The following KAZN variants were observed in gnomAD, a reference collection of about 807,000 sequenced individuals.
The protein encoded by KAZN is kazrin, periplakin interacting protein.
A neutral mutation model predicts 87.4 loss-of-function variants in KAZN; 40 were observed. That is an observed-to-expected ratio of 0.46 (90% CI 0.36 to 0.60). The LOEUF (loss-of-function observed/expected upper bound fraction) is 0.60, where lower values mean the gene tolerates loss of function less well. KAZN is among the 20% of genes least tolerant of loss of function. KAZN has a pLI of 0.00. For synonymous variants in KAZN, 466 were observed against 458.3 expected, an observed-to-expected ratio of 1.02 and a Z score of -0.22; for missense variants, 898 against 1,073.9, an observed-to-expected ratio of 0.84 and a Z score of 2.29.
chr1:14,433,770 G>T (rs1666217507), intron 2 of KAZN, among the ~76,000 whole-genome samples: 1 of 152,226 alleles, frequency 6.6e-6, no homozygotes, highest in Non-Finnish European at 1.5e-5. Flanking sequence ...TAAGGCAGGA[G>T]AATAGCTTGA....
chr1:14,882,103 T>G (rs943728038), intron 1 of KAZN, among the ~76,000 whole-genome samples: 8 of 152,204 alleles, frequency 5.3e-5, no homozygotes, highest in African/African-American at 1.9e-4. Context: ...AGACCCATGC[T>G]GCTGGTCTGG....
intron 1 of KAZN, among the ~76,000 whole-genome samples, chr1:14,153,019 C>T (rs186260407): frequency 1.3e-5 from 2 of 152,166 alleles, no homozygotes; most frequent in East Asian, 1.9e-4. Flanking sequence ...TTAGATCTTT[C>T]GCCCACTTAA....
At chr1:14,207,674 C>T (rs771417814) in intron 2 of KAZN, among the ~76,000 whole-genome samples, 5 of 152,238 alleles carry the variant, frequency 3.3e-5, no homozygotes, top group African/African-American at 4.8e-5. Flanking sequence ...GCTGGGTGAG[C>T]GCCCCTTTCA....
intron 1 of KAZN, among the ~76,000 whole-genome samples, chr1:14,767,734 G>C (rs72636652): frequency 3.9e-5 from 6 of 152,106 alleles, no homozygotes. Flanking sequence ...TGGTCCCTGC[G>C]GCCTGCAGCC....
At chr1:14,932,119 C>T (rs1309810858) in intron 1 of KAZN, among the ~76,000 whole-genome samples, 2 of 152,190 alleles carry the variant, frequency 1.3e-5, no homozygotes, top group African/African-American at 4.8e-5. Context: ...TCCTTGAGCC[C>T]CGCAGAGGAG....
intron 8 of KAZN, among the ~76,000 whole-genome samples, chr1:15,072,163 C>T (rs999167290): frequency 2.6e-5 from 4 of 152,130 alleles, no homozygotes; most frequent in Middle Eastern, 3.2e-3. Context: ...AATTACCCTC[C>T]CCTCCTCGTA....
intron 1 of KAZN, among the ~76,000 whole-genome samples, chr1:14,872,733 TG>T (rs1652275323): frequency 1.3e-5 from 2 of 152,208 alleles, no homozygotes; most frequent in African/African-American, 4.8e-5. Flanking sequence ...AAGAAATTAT[TG>T]CATGGATGGA....
chr1:14,214,968 A>T (rs1646930202), intron 2 of KAZN, among the ~76,000 whole-genome samples: 1 of 152,236 alleles, frequency 6.6e-6, no homozygotes, highest in African/African-American at 2.4e-5. Flanking sequence ...AAAGCTTAGT[A>T]AATCAAATGA....
In KAZN at chr1:14,300,255, G is replaced by A. The variant is rs147085475; in HGVS notation, c.249+119663G>A. On this transcript the variant is annotated intron_variant, in intron 2 of 16. Transcript: ENST00000636203. ...ATTCCAAGTTTAATGGGCAGCTATGGAAGAATTTATTTATTTTTTTTTAAG... is the reference window on the plus strand; with the variant it reads ...ATTCCAAGTTTAATGGGCAGCTATGAAAGAATTTATTTATTTTTTTTTAAG... Among the ~76,000 whole-genome samples, 381 of 105,038 alleles carry A rather than the reference G, an allele frequency of 3.6e-3. 1 individual carries two copies. Among genetic ancestry groups the A allele is most frequent in the Middle Eastern group, 0.022 (4 of 184 alleles). 68.9% of individuals were successfully genotyped at this position (105,038 alleles called of 152,430 possible). A position where few individuals can be genotyped will look rare whatever the true frequency, so the allele number is the denominator to read the frequency against.
intron 2 of KAZN, among the ~76,000 whole-genome samples, chr1:14,237,473 C>G (rs1648532707): frequency 6.6e-6 from 1 of 152,132 alleles, no homozygotes; most frequent in African/African-American, 2.4e-5. Flanking sequence ...TGTTTCATTT[C>G]CAAACTCATT....
intron 1 of KAZN, among the ~76,000 whole-genome samples, chr1:13,976,835 A>G (rs994103745): frequency 2.0e-5 from 3 of 152,186 alleles, no homozygotes; most frequent in Admixed American, 6.5e-5. Context: ...GAGAGATTAA[A>G]GCATCTCTCC....
intron 1 of KAZN, among the ~76,000 whole-genome samples, chr1:14,630,651 T>C (rs1679496575): frequency 6.6e-6 from 1 of 152,192 alleles, no homozygotes; most frequent in East Asian, 1.9e-4. Context: ...ATGCTGTGTG[T>C]ATATAAATGT....
At chr1:14,386,248 G>T (rs1389792844) in intron 2 of KAZN, among the ~76,000 whole-genome samples, 2 of 147,184 alleles carry the variant, frequency 1.4e-5, no homozygotes, top group Non-Finnish European at 3.0e-5. Context: ...GCACACTGAT[G>T]GGTCTTGACT....
chr1:14,263,237 T>C (rs1388111654), intron 2 of KAZN, among the ~76,000 whole-genome samples: 1 of 152,206 alleles, frequency 6.6e-6, no homozygotes, highest in African/African-American at 2.4e-5. Context: ...GTCTATTGTA[T>C]GTTGAGCAGA....
intron 2 of KAZN, among the ~76,000 whole-genome samples, chr1:14,396,182 A>AC (rs1662884378): frequency 6.6e-6 from 1 of 151,730 alleles, no homozygotes; most frequent in Admixed American, 6.6e-5. Flanking sequence ...AAAAAAAAAA[A>AC]AACTGCAACA....
chr1:14,798,194 A>G (rs1013558422), intron 1 of KAZN, among the ~76,000 whole-genome samples: 19 of 152,116 alleles, frequency 1.2e-4, no homozygotes, highest in Non-Finnish European at 1.6e-4. Flanking sequence ...TGGAGCATCA[A>G]TGCAAACGGG....
At chr1:14,145,040 T>C (rs1381076068) in intron 1 of KAZN, among the ~76,000 whole-genome samples, 1 of 152,216 alleles carries the variant, frequency 6.6e-6, no homozygotes, top group East Asian at 1.9e-4. Context: ...TTTATTTCAT[T>C]GTTTAATCAA....
At chr1:15,039,735 C>T (rs1672702527) in intron 3 of KAZN, among the ~76,000 whole-genome samples, 1 of 150,256 alleles carries the variant, frequency 6.7e-6, no homozygotes, top group African/African-American at 2.4e-5. Context: ...AATAAAATTC[C>T]CATGGAGAGC....
intron 2 of KAZN, among the ~76,000 whole-genome samples, chr1:14,980,612 G>A (rs2101892832): frequency 6.6e-6 from 1 of 152,294 alleles, no homozygotes; most frequent in Middle Eastern, 3.4e-3. Flanking sequence ...CATAGTCCAA[G>A]ACCGTCTGCC....
Sources: gnomAD v4.1 joint callset for allele counts (sites outside exome capture counted in the v4.1 genomes callset) on GRCh38, gnomAD v4.1.1 for gene constraint, MANE v1.5 for transcripts, NCBI Gene and HGNC (gene_info 2026-07-23, HGNC 2026-07-21) for gene names.